DDX6: variants seen among roughly 807,000 people sequenced by gnomAD.
DDX6 encodes probable ATP-dependent RNA helicase DDX6.
In DDX6, 7 loss-of-function variants were observed where a neutral mutation model predicts 60.6. The ratio of observed to expected loss-of-function variants is 0.12; its 90% CI spans 0.07 to 0.22. The LOEUF is 0.22. Ranked by LOEUF, DDX6 falls within the 10% of genes least tolerant of loss-of-function variation. DDX6 has a pLI of 1.00. For missense variants in DDX6, 270 were observed against 589.9 expected (o/e 0.46, Z 5.62); for synonymous variants, 207 against 201.0 (o/e 1.03, Z -0.25).
At chr11:118,764,927 T>C (rs781984674) in intron 6 of DDX6, among the ~76,000 whole-genome samples, 10 of 152,140 alleles carry the variant, frequency 6.6e-5, no homozygotes, top group Non-Finnish European at 1.3e-4. Context: ...CAATGTAGCC[T>C]ATTTGTCCAC....
At chr11:118,764,423 G>A (rs1310600338) in intron 6 of DDX6, among the ~76,000 whole-genome samples, 1 of 362 alleles carries the variant, frequency 2.8e-3, no homozygotes, top group Non-Finnish European at 6.0e-3. Context: ...CCAATTTTTC[G>A]GCACGACAAT....
intron 1 of DDX6, 172 bp downstream of exon 1, chr11:118,790,926 T>C: frequency 6.5e-6 from 1 of 152,770 alleles, no homozygotes; most frequent in East Asian, 1.9e-4. Flanking sequence ...GGTCCTTTAT[T>C]GTTGACTCGA....
chr11:118,779,234 G>C (rs908816703), intron 4 of DDX6, among the ~76,000 whole-genome samples: 4 of 149,968 alleles, frequency 2.7e-5, no homozygotes, highest in Admixed American at 6.7e-5. Flanking sequence ...ATAAAAAGAA[G>C]AACAAACACT....
At chr11:118,788,732 CAG>C (rs1862164854) in intron 1 of DDX6, 1 of 152,074 alleles carries the variant, frequency 6.6e-6, no homozygotes, top group Non-Finnish European at 1.5e-5. Context: ...CTCTGTTGCC[CAG>C]AGTGGAGTGC....
At chr11:118,784,551 C>T (rs755548035) in intron 2 of DDX6, among the ~76,000 whole-genome samples, 4 of 151,480 alleles carry the variant, frequency 2.6e-5, no homozygotes, top group Non-Finnish European at 4.4e-5. Context: ...CTCCACCTCT[C>T]GGGTTCAAGT....
At chr11:118,754,478 C>T (rs1288715400) in intron 13 of DDX6, 5 of 443,388 alleles carry the variant, frequency 1.1e-5, no homozygotes, top group African/African-American at 8.2e-5. Context: ...TTAAGTACTG[C>T]TAATCTACCA....
chr11:118,751,946 T>C lies in DDX6; in HGVS notation c.*159A>G. 2.4e-6 allele frequency: 1 copy of C among 416,120 alleles called. No homozygotes were observed. Among genetic ancestry groups the C allele is most frequent in the Non-Finnish European group, 4.8e-6 (1 of 210,380 alleles). The allele number at this position is 416,120 out of a possible 1,614,324, so 25.8% of individuals were successfully genotyped here. A position where few individuals can be genotyped will look rare whatever the true frequency, so the allele number is the denominator to read the frequency against. On this transcript the variant is annotated 3_prime_UTR_variant, in exon 14 of 14. Transcript: ENST00000534980. ...AGGTATATTCCTTCTTTTCAGCCTT[T>C]TTCTCTTCACCAGTTAAAAAAAGAA...
At chr11:118,769,774 G>C (rs1326021776) in intron 4 of DDX6, among the ~76,000 whole-genome samples, 1 of 151,930 alleles carries the variant, frequency 6.6e-6, no homozygotes, top group African/African-American at 2.4e-5. Flanking sequence ...GCACAATCTC[G>C]GCTCACTGCA....
intron 13 of DDX6, among the ~76,000 whole-genome samples, chr11:118,754,210 G>C (rs11217013): frequency 0.21 from 32,698 of 152,194 alleles, 3,728 homozygotes; most frequent in South Asian, 0.33. Flanking sequence ...CAGGAGGACT[G>C]CTGGAGTTCA....
At chr11:118,758,657 G>T in intron 9 of DDX6, 117 bp downstream of exon 9, 1 of 1,291,050 alleles carries the variant, frequency 7.7e-7, no homozygotes, top group South Asian at 1.5e-5. Context: ...GAGCCACCGT[G>T]CCAAGCCAGA....
In DDX6 at chr11:118,751,091, C is replaced by A. The variant is rs1453621705; in HGVS notation, c.*1014G>T. On this transcript the variant is annotated 3_prime_UTR_variant, in exon 14 of 14. Transcript: ENST00000534980. ...TGTATATATATATATATATATGAAC[C>A]CAGAAAAAAAACTTATTTACAAAGT... 3 of 64,974 alleles carry A rather than the reference C, an allele frequency of 4.6e-5. No homozygotes were observed. The highest frequency in any genetic ancestry group is 6.2e-5 in the African/African-American group (1 of 16,036). 4.0% of individuals were successfully genotyped at this position (64,974 alleles called of 1,614,324 possible).
intron 5 of DDX6, among the ~76,000 whole-genome samples, chr11:118,766,309 CTA>C (rs1861352610): frequency 6.6e-6 from 1 of 151,768 alleles, no homozygotes; most frequent in Admixed American, 6.6e-5. Flanking sequence ...TGGCATGTGC[CTA>C]TAGTCTCAGC....
At chr11:118,763,862 A>G (rs1484738114) in intron 6 of DDX6, among the ~76,000 whole-genome samples, 3 of 151,774 alleles carry the variant, frequency 2.0e-5, no homozygotes, top group Admixed American at 6.6e-5. Flanking sequence ...AAAAGAAAGA[A>G]AGAGAAGAAA....
intron 9 of DDX6, among the ~76,000 whole-genome samples, chr11:118,757,572 TC>T (rs1175921747): frequency 6.6e-6 from 1 of 151,852 alleles, no homozygotes; most frequent in Non-Finnish European, 1.5e-5. Flanking sequence ...TTTATGTGTT[TC>T]CATTTAAAAA....
In DDX6 at chr11:118,768,396, C is replaced by T. The variant is rs372273806; in HGVS notation, c.370-44G>A. On this transcript the variant is annotated intron_variant, in intron 4 of 13. Coordinates refer to ENST00000534980, the MANE Select transcript of DDX6 (RefSeq NM_004397.6). ...TACAAAATTACTTCTGAATGTAGTA[C>T]ACAAGCAAATTCCTCTCTGAAATAC... 6.9e-6 allele frequency: 11 copies of T among 1,602,466 alleles called. No individual in the cohort carries two copies. In the African/African-American group the frequency reaches 1.1e-4, roughly 16 times the overall value.
chr11:118,769,255 G>A (rs181591636), intron 4 of DDX6, among the ~76,000 whole-genome samples: 1 of 152,064 alleles, frequency 6.6e-6, no homozygotes, highest in African/African-American at 2.4e-5. Context: ...AACAAAACAC[G>A]AATAGGCTGG....
At chr11:118,758,994 G>A (rs1473304713) in intron 8 of DDX6, 92 bp from the exon 9 acceptor site, 67 of 1,499,224 alleles carry the variant, frequency 4.5e-5, no homozygotes, top group South Asian at 5.0e-5. Context: ...GTTTCTGTCC[G>A]ATAAACTCTT....
At chr11:118,767,943 C>A in intron 5 of DDX6, 1 of 242,998 alleles carries the variant, frequency 4.1e-6, no homozygotes. Flanking sequence ...CTCAGCTTTC[C>A]TACCTATAGG....
intron 3 of DDX6, among the ~76,000 whole-genome samples, chr11:118,780,114 C>CAAAAAAAAAAAAAAAAAAAAAA (rs71044492): frequency 2.5e-5 from 1 of 40,284 alleles, no homozygotes; most frequent in Non-Finnish European, 4.2e-5. Flanking sequence ...GACTCTATCT[C>CAAAAAAAAAAAAAAAAAAAAAA]AAAAAAAAAA....
Sources: gnomAD v4.1 joint callset for allele counts (sites outside exome capture counted in the v4.1 genomes callset) on GRCh38, gnomAD v4.1.1 for gene constraint, MANE v1.5 for transcripts, NCBI Gene and HGNC (gene_info 2026-07-23, HGNC 2026-07-21) for gene names.